AMMECR1: variants seen among roughly 807,000 people sequenced by gnomAD.
AMMECR1 encodes the protein AMMECR nuclear protein 1.
In AMMECR1, 3 loss-of-function variants were observed where a neutral mutation model predicts 22.5. The ratio of observed to expected loss-of-function variants is 0.13; its 90% confidence interval spans 0.06 to 0.35. The LOEUF (loss-of-function observed/expected upper bound fraction) is 0.35, where lower values mean the gene tolerates loss of function less well. Among genes scored for constraint, AMMECR1 ranks in the 10% least tolerant of loss-of-function variants. The probability of loss-of-function intolerance (pLI) is 1.00; values close to 1 mark genes in which losing one functional copy is unlikely to be tolerated. For synonymous variants in AMMECR1, 130 were observed against 116.7 expected (o/e 1.11, Z -0.74); for missense variants, 235 against 278.7 (o/e 0.84, Z 1.12).
At chrX:110,415,189 A>G (rs1024148994) in intron 2 of AMMECR1, among the ~76,000 whole-genome samples, 4 of 112,083 alleles carry the variant, frequency 3.6e-5, no homozygotes, top group Non-Finnish European at 1.9e-5. Context: ...GGTTAAATCT[A>G]TGTTTGTTGA....
In AMMECR1 at chrX:110,292,809, C is replaced by T. The variant is rs187554179; in HGVS notation, c.473+24790G>A. Among the ~76,000 whole-genome samples, 7 of 111,812 alleles carry T rather than the reference C, an allele frequency of 6.3e-5. No homozygotes were observed. The East Asian group carries it at 2.0e-3, about 31-fold the overall frequency. ...CATTTGTCCAAACCCTTAGAATGTA[C>T]AATACCAAAAGTGAACCTTAAACTA... On this transcript the variant is annotated intron_variant, in intron 1 of 5. Transcript: ENST00000262844.
intron 2 of AMMECR1, among the ~76,000 whole-genome samples, chrX:110,359,188 T>A (rs764064866): frequency 3.6e-5 from 4 of 111,408 alleles, no homozygotes; most frequent in Non-Finnish European, 7.5e-5. Context: ...GGCTGTGTTA[T>A]ACTGCTTCGC....
At position 110,197,529 on chromosome X, in the gene AMMECR1, G is replaced by C. The variant is rs1204609692; in HGVS notation, c.*991C>G. On this transcript the variant is annotated 3_prime_UTR_variant, in exon 6 of 6. Transcript: ENST00000262844. ...TTTCAGCTTAAAAAAATACTTAAGA[G>C]TAAGGAATTTGTCTAATCTTCTGTT... The C allele has an allele frequency of 1.8e-5, 2 of 111,327 alleles. No individual in the cohort carries two copies. The highest frequency in any genetic ancestry group is 3.8e-5 in the Non-Finnish European group (2 of 52,915). 9.2% of individuals were successfully genotyped at this position (111,327 alleles called of 1,213,427 possible). A position where few individuals can be genotyped will look rare whatever the true frequency, so the allele number is the denominator to read the frequency against.
At chrX:110,240,306 G>A (rs1160526435) in intron 2 of AMMECR1, among the ~76,000 whole-genome samples, 3 of 98,515 alleles carry the variant, frequency 3.0e-5, no homozygotes, top group Non-Finnish European at 4.0e-5. Flanking sequence ...CTGTATTCAC[G>A]AGACACATCT....
intron 2 of AMMECR1, among the ~76,000 whole-genome samples, chrX:110,356,221 C>T (rs887102423): frequency 2.9e-5 from 3 of 103,113 alleles, no homozygotes; most frequent in East Asian, 3.0e-4. Flanking sequence ...GGCAGCATCT[C>T]GGCTCACTGC....
At chrX:110,241,270 C>CA (rs1295987929) in intron 2 of AMMECR1, among the ~76,000 whole-genome samples, 28 of 108,056 alleles carry the variant, frequency 2.6e-4, no homozygotes, top group East Asian at 5.8e-4. Flanking sequence ...AAAAACTCTT[C>CA]AAAAAAAAAT....
intron 2 of AMMECR1, among the ~76,000 whole-genome samples, chrX:110,217,090 A>C (rs1427140138): frequency 1.8e-5 from 2 of 109,573 alleles, no homozygotes; most frequent in African/African-American, 3.3e-5. Context: ...ACAAACATAC[A>C]CATATATACA....
At chrX:110,228,613 A>G (rs1016293886) in intron 2 of AMMECR1, among the ~76,000 whole-genome samples, 3 of 111,269 alleles carry the variant, frequency 2.7e-5, no homozygotes, top group East Asian at 2.8e-4. Context: ...GCTGCCCAAC[A>G]TAACTCAGCA....
chrX:110,363,153 T>A (rs746092611), intron 2 of AMMECR1, among the ~76,000 whole-genome samples: 28 of 111,960 alleles, frequency 2.5e-4, no homozygotes, highest in African/African-American at 8.8e-4. Context: ...CTTCCAGAGG[T>A]AACACTAGTT....
intron 2 of AMMECR1, among the ~76,000 whole-genome samples, chrX:110,397,982 C>T (rs1052209981): frequency 8.9e-6 from 1 of 112,404 alleles, no homozygotes. Flanking sequence ...GAACCCGCTT[C>T]CTTGACTACC....
rs1034534546 is a variant in AMMECR1 at position 110,408,633 on chromosome X, C to T, written c.-148+18025G>A. ...GGAAGATTACATGGTTACAGAGGAT[C>T]ACACAGACTCATTCACCATTTCAGG... On this transcript the variant is annotated intron_variant, in intron 2 of 7. Coordinates refer to the AMMECR1 transcript ENST00000372057. Among the ~76,000 whole-genome samples the T allele has an allele frequency of 2.7e-5, 3 of 112,338 alleles. 1 individual carries two copies. Among genetic ancestry groups the T allele is most frequent in the Non-Finnish European group, 5.6e-5 (3 of 53,278 alleles).
intron 2 of AMMECR1, among the ~76,000 whole-genome samples, chrX:110,345,056 T>C (rs2068182568): frequency 8.9e-6 from 1 of 112,166 alleles, no homozygotes; most frequent in African/African-American, 3.2e-5. Context: ...GTATGTTTAT[T>C]GTGGCACTAT....
intron 2 of AMMECR1, among the ~76,000 whole-genome samples, chrX:110,237,315 G>A (rs2067606727): frequency 9.1e-6 from 1 of 109,948 alleles, no homozygotes; most frequent in Admixed American, 9.7e-5. Flanking sequence ...AAAATCCAGT[G>A]GCCACTCTTC....
chrX:110,250,122 G>A (rs1211573889), intron 2 of AMMECR1, among the ~76,000 whole-genome samples: 5 of 112,001 alleles, frequency 4.5e-5, no homozygotes, highest in Non-Finnish European at 9.4e-5. Flanking sequence ...TTTCATTACA[G>A]GGTTCCTTGA....
At chrX:110,363,996 C>A (rs1025766587) in intron 2 of AMMECR1, among the ~76,000 whole-genome samples, 4 of 111,802 alleles carry the variant, frequency 3.6e-5, no homozygotes, top group Non-Finnish European at 7.5e-5. Flanking sequence ...TAACAAATTG[C>A]CACAAACTTG....
intron 2 of AMMECR1, among the ~76,000 whole-genome samples, chrX:110,337,298 A>G (rs1427453210): frequency 1.8e-5 from 2 of 112,240 alleles, no homozygotes; most frequent in Non-Finnish European, 3.8e-5. Context: ...CTCAAAATAC[A>G]TTATAGCTTT....
intron 2 of AMMECR1, among the ~76,000 whole-genome samples, chrX:110,238,603 G>A (rs977832773): frequency 8.9e-6 from 1 of 112,399 alleles, no homozygotes; most frequent in African/African-American, 3.2e-5. Flanking sequence ...CTGGGGAAAG[G>A]GGTGGCTGTG....
intron 2 of AMMECR1, among the ~76,000 whole-genome samples, chrX:110,386,760 T>TG (rs1178934259): frequency 8.9e-6 from 1 of 112,420 alleles, no homozygotes; most frequent in African/African-American, 3.2e-5. Flanking sequence ...TACACTACCC[T>TG]GCTCCTGCAC....
intron 2 of AMMECR1, among the ~76,000 whole-genome samples, chrX:110,423,824 G>A (rs1229323618): frequency 8.9e-6 from 1 of 112,131 alleles, no homozygotes; most frequent in Non-Finnish European, 1.9e-5. Flanking sequence ...CAGTTCTTCC[G>A]ACGTTAGGTG....
Sources: gnomAD v4.1 joint callset for allele counts (sites outside exome capture counted in the v4.1 genomes callset) on GRCh38, gnomAD v4.1.1 for gene constraint, MANE v1.5 for transcripts, NCBI Gene and HGNC (gene_info 2026-07-23, HGNC 2026-07-21) for gene names.